The following SEC16B variants were observed in gnomAD, a reference collection of about 807,000 sequenced individuals.
SEC16B encodes protein transport protein Sec16B.
In SEC16B, 115 loss-of-function variants were observed where a neutral mutation model predicts 141.8. The ratio of observed to expected loss-of-function variants is 0.81; its 90% CI spans 0.70 to 0.95. The LOEUF is 0.95. SEC16B is among the 40% of genes least tolerant of loss of function. SEC16B has a pLI of 0.00. For missense variants in SEC16B, 1,291 were observed against 1,312.3 expected, an observed-to-expected ratio of 0.98 and a Z score of 0.25; for synonymous variants, 493 against 492.5, an observed-to-expected ratio of 1.00 and a Z score of -0.01.
In SEC16B at chr1:177,946,530, A is replaced by C; in HGVS notation, c.1665T>G (p.Ala555=). The change falls in exon 14 of 26, where the codon GCT becomes GCG. Residue 555 remains alanine, a splice_region_variant and synonymous_variant. Coordinates refer to ENST00000308284, the MANE Select transcript of SEC16B (RefSeq NM_033127.4). ...GAGCTGCCTCCACAAGCCCCTTCCC[A>C]GCTGCGGGAGGAAGAGAACAAGACC... ...RAIVAIGDTL[A]GKGLVEAAHF... 1.3e-6 allele frequency: 2 copies of C among 1,569,194 alleles called. No individual in the cohort carries two copies. The highest frequency in any genetic ancestry group is 2.4e-5 in the South Asian group (2 of 85,044).
chr1:177,961,685 A>T lies in SEC16B; in HGVS notation c.692T>A (p.Leu231His). The change falls in exon 6 of 26, where the codon CTC (leucine) becomes CAC (histidine). Residue 231 changes from leucine to histidine, a missense_variant. This residue lies in a region of SEC16B where 681 missense variants were observed against 675.5 expected (regional missense o/e 1.01). Coordinates refer to ENST00000308284, the MANE Select transcript of SEC16B (RefSeq NM_033127.4). ...SNLLQQRESG[L>H]SSSSYELSQY... is the part of the protein sequence containing the mutation. ...ACTGAGCTCATAGCTGCTGGAGCTG[A>T]GACCAGACTCACGCTGCTGGAGAAG... 6.2e-7 allele frequency: 1 copy of T among 1,614,012 alleles called. No homozygotes were observed. The highest frequency in any genetic ancestry group is 8.5e-7 in the Non-Finnish European group (1 of 1,179,876).
intron 18 of SEC16B, among the ~76,000 whole-genome samples, chr1:177,938,719 A>AT (rs2101913554): frequency 6.6e-6 from 1 of 152,106 alleles, no homozygotes; most frequent in Admixed American, 6.5e-5. Context: ...ACACCTTTTT[A>AT]TTTTTTGATA....
At chr1:177,974,770 G>A (rs1371266102), upstream of SEC16B, among the ~76,000 whole-genome samples, 1 of 152,120 alleles carries the variant, frequency 6.6e-6, no homozygotes, top group Non-Finnish European at 1.5e-5. Flanking sequence ...TGAGGCACTT[G>A]GATTTGAAGA....
chr1:177,979,150 G>A, intron 1 of SEC16B, among the ~76,000 whole-genome samples: 1 of 152,032 alleles, frequency 6.6e-6, no homozygotes, highest in East Asian at 1.9e-4. Flanking sequence ...ATGTAATATA[G>A]TAATATATTT....
chr1:177,979,393 A>G (rs1474537419), intron 1 of SEC16B, among the ~76,000 whole-genome samples: 1 of 152,214 alleles, frequency 6.6e-6, no homozygotes, highest in Admixed American at 6.5e-5. Context: ...TTCCATGTAC[A>G]GAAATGGCCC....
intron 1 of SEC16B, among the ~76,000 whole-genome samples, chr1:177,978,652 T>A (rs1278726059): frequency 7.2e-5 from 11 of 151,874 alleles, no homozygotes; most frequent in Admixed American, 7.2e-4. Context: ...TGCAGTGAAC[T>A]ATGATCATAC....
intron 12 of SEC16B, among the ~76,000 whole-genome samples, chr1:177,949,433 G>T (rs1361577080): frequency 7.6e-6 from 1 of 131,808 alleles, no homozygotes; most frequent in Non-Finnish European, 1.6e-5. Flanking sequence ...CACACACAAA[G>T]AAAAACTTAG....
chr1:177,975,415 G>T (rs1309503407), intron 1 of SEC16B, among the ~76,000 whole-genome samples: 1 of 152,190 alleles, frequency 6.6e-6, no homozygotes, highest in African/African-American at 2.4e-5. Flanking sequence ...AATATTGAAA[G>T]AGAGTTTCCA....
chr1:177,933,122 C>T (rs770434613), intron 22 of SEC16B, 92 bp downstream of exon 22: 16 of 1,020,226 alleles, frequency 1.6e-5, no homozygotes, highest in Admixed American at 7.2e-5. Flanking sequence ...GGGGTAGACT[C>T]AGGTGCCAGC....
At chr1:177,977,717 T>C (rs1181864563) in intron 1 of SEC16B, among the ~76,000 whole-genome samples, 1 of 152,158 alleles carries the variant, frequency 6.6e-6, no homozygotes, top group African/African-American at 2.4e-5. Flanking sequence ...TGTTTATATC[T>C]CCTTAAAAAC....
Position 177,937,087 on chromosome 1 carries a change from T to C in SEC16B, c.2503+127A>G, listed in dbSNP as rs545869123. On this transcript the variant is annotated intron_variant, in intron 19 of 25. Transcript: ENST00000308284. ...GCAGGCCCTCCGTAACGGGCACACA[T>C]CCACGCATCTGTGTCTTTCCCAGCT... 1.9e-4 allele frequency: 190 copies of C among 1,020,792 alleles called. 1 individual carries two copies. The South Asian group carries it at 3.0e-3, about 16-fold the overall frequency. 63.2% of individuals were successfully genotyped at this position (1,020,792 alleles called of 1,614,324 possible).
chr1:177,962,737 C>T (rs1653172921), intron 5 of SEC16B, among the ~76,000 whole-genome samples: 1 of 151,952 alleles, frequency 6.6e-6, no homozygotes, highest in South Asian at 2.1e-4. Flanking sequence ...CAGAGCAACA[C>T]TCTGTCTCTA....
Position 177,929,873 on chromosome 1 carries a change from G to A in SEC16B, c.3168C>T (p.Pro1056=). Residue 1056 remains proline, a synonymous_variant, in exon 26 of 26, where the codon CCC becomes CCT. Transcript: ENST00000308284. The part of the protein sequence containing the change: ...RPNRLAQRRY[P]TQPC ...GTGTTTATTCTCAGCATGGCTGGGT[G>A]GGATAGCGACGCTGAGCTAGGCGAT... 1 of 1,613,922 alleles carries A rather than the reference G, an allele frequency of 6.2e-7. No homozygotes were observed. The highest frequency in any genetic ancestry group is 8.5e-7 in the Non-Finnish European group (1 of 1,179,866).
chr1:177,973,379 G>A (rs1342255574), upstream of SEC16B: 1 of 152,148 alleles, frequency 6.6e-6, no homozygotes, highest in African/African-American at 2.4e-5. Flanking sequence ...TTATCCACCA[G>A]GTAATGGAAT....
At chr1:177,982,385 G>A (rs1053292389) in intron 1 of SEC16B, among the ~76,000 whole-genome samples, 1 of 152,194 alleles carries the variant, frequency 6.6e-6, no homozygotes, top group Non-Finnish European at 1.5e-5. Flanking sequence ...GGCTTATGGG[G>A]ATAAGTAATC....
intron 19 of SEC16B, among the ~76,000 whole-genome samples, chr1:177,936,730 C>T (rs994087262): frequency 2.0e-5 from 3 of 152,180 alleles, no homozygotes. Context: ...ATGGCTTCCA[C>T]CATCTCCCTG....
At chr1:177,935,998 C>T (rs942609004) in intron 20 of SEC16B, among the ~76,000 whole-genome samples, 103 of 152,170 alleles carry the variant, frequency 6.8e-4, no homozygotes, top group African/African-American at 2.4e-3. Flanking sequence ...GTAGGGCAAG[C>T]GTTTTGTGCA....
chr1:177,948,144 TACATGCATACATACATACATACATTC>T (rs1419206297), intron 12 of SEC16B, among the ~76,000 whole-genome samples: 2 of 152,310 alleles, frequency 1.3e-5, no homozygotes, highest in Non-Finnish European at 2.9e-5. Flanking sequence ...CAGATACGTG[TACATGCATACATACATACATACATTC>T]ACAGGGATAT....
upstream of SEC16B, chr1:177,973,312 G>A (rs982084836): frequency 1.3e-5 from 2 of 152,114 alleles, no homozygotes; most frequent in African/African-American, 4.8e-5. Context: ...ATCCTTTACT[G>A]AAAGTAAAAA....
Sources: gnomAD v4.1 joint callset for allele counts (sites outside exome capture counted in the v4.1 genomes callset) on GRCh38, gnomAD v4.1.1 for gene constraint, gnomAD v4.1.1 regional missense constraint, MANE v1.5 for transcripts, NCBI Gene and HGNC (gene_info 2026-07-23, HGNC 2026-07-21) for gene names.